METTL22: variants seen among roughly 807,000 people sequenced by gnomAD.
METTL22 encodes methyltransferase 22, Kin17 lysine.
METTL22 carries 51 observed loss-of-function variants against 48.4 expected under a neutral mutation model. The observed-to-expected ratio is 1.05, with a 90% CI of 0.84 to 1.33. METTL22 has a LOEUF of 1.33. Among genes scored for constraint, METTL22 ranks in the 40% most tolerant of loss-of-function variants. The probability of loss-of-function intolerance (pLI) is 0.00; values close to 1 mark genes in which losing one functional copy is unlikely to be tolerated. For synonymous variants in METTL22, 255 were observed against 214.1 expected (o/e 1.19, Z -1.67); for missense variants, 678 against 526.9 (o/e 1.29, Z -2.81).
At chr16:8,635,144 C>T (rs371125498) in intron 4 of METTL22, 24 bp from the exon 5 acceptor site, 80 of 1,613,632 alleles carry the variant, frequency 5.0e-5, no homozygotes, top group Non-Finnish European at 6.2e-5. Context: ...CGCTGCTTGT[C>T]GCTCCTTGTC....
chr16:8,639,232 A>G, intron 6 of METTL22, 70 bp downstream of exon 6: 1 of 1,474,860 alleles, frequency 6.8e-7, no homozygotes. Context: ...GACACCCAAG[A>G]CCATGACATT....
chr16:8,641,892 C>G (rs2056630200), intron 7 of METTL22: 4 of 590,474 alleles, frequency 6.8e-6, no homozygotes, highest in African/African-American at 3.7e-5. Flanking sequence ...AATCCGCCCG[C>G]TGCTCACTGG....
chr16:8,629,381 C>G (rs1596337599), intron 3 of METTL22, among the ~76,000 whole-genome samples: 1 of 152,296 alleles, frequency 6.6e-6, no homozygotes, highest in African/African-American at 2.4e-5. Flanking sequence ...AACATGTTCC[C>G]CATTGCCGTA....
chr16:8,636,109 A>G (rs1213734249), intron 5 of METTL22, among the ~76,000 whole-genome samples: 1 of 151,510 alleles, frequency 6.6e-6, no homozygotes, highest in East Asian at 1.9e-4. Context: ...TTAATCCCCC[A>G]CCCCTCCCAC....
chr16:8,651,135 C>T (rs1396124091), downstream of METTL22, among the ~76,000 whole-genome samples: 2 of 151,972 alleles, frequency 1.3e-5, no homozygotes, highest in Non-Finnish European at 1.5e-5. Context: ...TACCTGTAAT[C>T]CCAGCACTTT....
the METTL22 span, among the ~76,000 whole-genome samples, chr16:8,655,083 G>A: frequency 6.6e-6 from 1 of 152,322 alleles, no homozygotes; most frequent in East Asian, 1.9e-4. Context: ...GGGCATTGGG[G>A]AAAGGAACTG....
chr16:8,632,492 C>CAA (rs1403808086), intron 3 of METTL22, among the ~76,000 whole-genome samples: 1 of 152,182 alleles, frequency 6.6e-6, no homozygotes, highest in Non-Finnish European at 1.5e-5. Context: ...AGGTGTGAGC[C>CAA]ACTACCCGGC....
rs1466893265 is a variant in METTL22 at position 8,646,624 on chromosome 16, G to A, written c.*481G>A. The A allele has an allele frequency of 2.2e-6, 1 of 459,444 alleles. No homozygotes were observed. The allele number at this position is 459,444 out of a possible 1,614,324, so 28.5% of individuals were successfully genotyped here. On this transcript the variant is annotated 3_prime_UTR_variant, in exon 11 of 11. Transcript: ENST00000381920. The stretch of plus-strand genomic sequence containing the variant: ...GGGTATGCTCCACCCCATCACTCTG[G>A]TGAGGGCCCCATGAGAAGGAAGAGG...
In METTL22 at chr16:8,643,757, G is replaced by T. The variant is rs183210736; in HGVS notation, c.1011-800G>T. ...GCCTCCCAAGTAGCTGGGATTACAG[G>T]CATGCGTCACCACACCTGGCTAATT... On this transcript the variant is annotated intron_variant, in intron 9 of 10. Transcript: ENST00000381920. Among the ~76,000 whole-genome samples, 163 of 152,216 alleles carry T rather than the reference G, an allele frequency of 1.1e-3. 1 individual carries two copies. Among genetic ancestry groups the T allele is most frequent in the African/African-American group, 3.8e-3 (157 of 41,532 alleles).
intron 2 of METTL22, among the ~76,000 whole-genome samples, chr16:8,627,670 G>C (rs1169266223): frequency 5.3e-5 from 8 of 152,164 alleles, no homozygotes; most frequent in Admixed American, 6.5e-5. Context: ...TCATTAACGT[G>C]TTTTTACAGC....
chr16:8,636,607 C>T (rs1364737878), intron 5 of METTL22, among the ~76,000 whole-genome samples: 1 of 148,324 alleles, frequency 6.7e-6, no homozygotes, highest in Non-Finnish European at 1.5e-5. Flanking sequence ...TCTCCTATTG[C>T]TGAGCATTTT....
the METTL22 span, among the ~76,000 whole-genome samples, chr16:8,659,716 C>T: frequency 0.84 from 127,588 of 151,774 alleles, 53,853 homozygotes; most frequent in East Asian, 1. Flanking sequence ...TTGATTAGGG[C>T]GCAAGGACTT....
intron 10 of METTL22, 143 bp downstream of exon 10, chr16:8,644,868 A>G: frequency 3.5e-6 from 3 of 861,682 alleles, no homozygotes; most frequent in Admixed American, 7.1e-5. Flanking sequence ...GCCTGGCACC[A>G]TCTGTAGTGG....
intron 8 of METTL22, 54 bp downstream of exon 8, chr16:8,642,261 G>GTGCA: frequency 6.7e-7 from 1 of 1,496,792 alleles, no homozygotes; most frequent in Non-Finnish European, 9.3e-7. Context: ...ATGAAGTCAA[G>GTGCA]TGCAGTCTCT....
At chr16:8,655,618 G>A in the METTL22 span, among the ~76,000 whole-genome samples, 1 of 152,220 alleles carries the variant, frequency 6.6e-6, no homozygotes, top group African/African-American at 2.4e-5. Context: ...ATACCCAAAG[G>A]TGGGATCACT....
At position 8,639,107 on chromosome 16, in the gene METTL22, C is replaced by G; in HGVS notation, c.717C>G (p.Leu239=). 6.2e-7 allele frequency: 1 copy of G among 1,614,040 alleles called. No individual in the cohort carries two copies. Residue 239 remains leucine (L), a synonymous_variant, in exon 6 of 11, where the codon CTC becomes CTG. Coordinates refer to ENST00000381920, the MANE Select transcript of METTL22 (RefSeq NM_024109.4). ...TVYCTDVGAD[L]LSMCQRNIAL... ...TCATTCCAGATGTCGGTGCAGATCT[C>G]TTGTCCATGTGCCAGCGAAACATTG...
chr16:8,646,323 A>G lies in METTL22; in HGVS notation c.*180A>G. 1 of 805,936 alleles carries G rather than the reference A, an allele frequency of 1.2e-6. No homozygotes were observed. Among genetic ancestry groups the G allele is most frequent in the South Asian group, 1.5e-5 (1 of 68,834 alleles). 49.9% of individuals were successfully genotyped at this position (805,936 alleles called of 1,614,324 possible). On this transcript the variant is annotated 3_prime_UTR_variant, in exon 11 of 11. Coordinates refer to ENST00000381920, the MANE Select transcript of METTL22 (RefSeq NM_024109.4). ...GTCCCTGCCTCCCAGTTGTAGCCAG[A>G]GAAGGTTGTTGCTGTGGGCTGGAGG...
intron 9 of METTL22, among the ~76,000 whole-genome samples, chr16:8,643,234 C>G (rs888280221): frequency 6.6e-5 from 10 of 152,360 alleles, no homozygotes; most frequent in African/African-American, 2.2e-4. Context: ...GCTGTATGTA[C>G]TTGCATATTT....
intron 2 of METTL22, 114 bp from the exon 3 acceptor site, chr16:8,628,616 A>T (rs540441901): frequency 7.3e-6 from 10 of 1,376,026 alleles, no homozygotes; most frequent in Non-Finnish European, 8.7e-6. Flanking sequence ...GTATATCTCT[A>T]CCTGGCCTTT....
Sources: allele counts gnomAD v4.1 joint callset (sites outside exome capture counted in the v4.1 genomes callset), GRCh38; gene constraint gnomAD v4.1.1; transcripts MANE v1.5; gene names NCBI Gene and HGNC (gene_info 2026-07-23, HGNC 2026-07-21).